The following SND1 variants were observed in gnomAD, a reference collection of about 807,000 sequenced individuals.
The protein encoded by SND1 is staphylococcal nuclease and tudor domain containing 1.
Under a neutral mutation model 121.7 loss-of-function variants are expected in SND1, and 38 were observed. The ratio of observed to expected loss-of-function variants is 0.31; its 90% CI spans 0.24 to 0.41. SND1 has a LOEUF of 0.41. SND1 is among the 10% of genes least tolerant of loss of function. The pLI, the probability that SND1 is intolerant of heterozygous loss-of-function variation, is 1.00. For missense variants in SND1, 868 were observed against 1,184.6 expected (o/e 0.73, Z 3.92); for synonymous variants, 401 against 447.4 (o/e 0.90, Z 1.31).
intron 10 of SND1, among the ~76,000 whole-genome samples, chr7:127,738,516 T>C (rs1212570430): frequency 6.6e-6 from 1 of 152,074 alleles, no homozygotes; most frequent in Non-Finnish European, 1.5e-5. Context: ...TGACCTCAGG[T>C]GATCCACCGG....
chr7:127,698,057 T>C (rs1399347790), intron 3 of SND1, among the ~76,000 whole-genome samples: 4 of 152,240 alleles, frequency 2.6e-5, no homozygotes. Flanking sequence ...ACAATTAATA[T>C]TTCAAGTGCC....
intron 16 of SND1, among the ~76,000 whole-genome samples, chr7:128,063,656 C>T (rs1793267264): frequency 6.6e-6 from 1 of 152,194 alleles, no homozygotes; most frequent in Non-Finnish European, 1.5e-5. Context: ...TAATAAATGC[C>T]CATTGTAATA....
At chr7:127,662,693 A>G (rs1394915461) in intron 1 of SND1, among the ~76,000 whole-genome samples, 4 of 152,122 alleles carry the variant, frequency 2.6e-5, no homozygotes, top group African/African-American at 4.8e-5. Context: ...TATTTCCCCA[A>G]TAAGACTATT....
At position 127,844,434 on chromosome 7, in the gene SND1, C is replaced by T. The variant is rs1191619541; in HGVS notation, c.1343+10C>T. ...TCACCATTGGAGGAATGTGAGTGTTCTGGCTGGCATGGACTCAGCTGTCAT... is the reference window on the plus strand; with the variant it reads ...TCACCATTGGAGGAATGTGAGTGTTTTGGCTGGCATGGACTCAGCTGTCAT... On this transcript the variant is annotated intron_variant, in intron 12 of 23. Transcript: ENST00000354725. 6.2e-7 allele frequency: 1 copy of T among 1,606,266 alleles called. No homozygotes were observed. Among genetic ancestry groups the T allele is most frequent in the Admixed American group, 1.7e-5 (1 of 59,630 alleles).
chr7:127,889,540 A>G (rs1416697376), intron 13 of SND1, among the ~76,000 whole-genome samples: 1 of 151,982 alleles, frequency 6.6e-6, no homozygotes, highest in Non-Finnish European at 1.5e-5. Flanking sequence ...TCTTTTAGTT[A>G]TTTTGAAATG....
At chr7:127,831,763 A>G (rs922284250) in intron 11 of SND1, among the ~76,000 whole-genome samples, 1 of 152,102 alleles carries the variant, frequency 6.6e-6, no homozygotes, top group Admixed American at 6.6e-5. Context: ...TTAAAGGCAG[A>G]TGTTTTCTTT....
intron 12 of SND1, 104 bp from the exon 13 acceptor site, chr7:127,887,798 C>CT: frequency 1.5e-6 from 1 of 677,554 alleles, no homozygotes. Context: ...CTCTCTCCCT[C>CT]TGCCAGAATG....
chr7:127,947,293 G>A (rs188457546), intron 15 of SND1, among the ~76,000 whole-genome samples: 3 of 152,276 alleles, frequency 2.0e-5, no homozygotes, highest in East Asian at 1.9e-4. Flanking sequence ...CTCTGGAAAT[G>A]TGTACATCTC....
At chr7:127,738,777 G>T (rs773137144) in intron 10 of SND1, among the ~76,000 whole-genome samples, 23 of 152,236 alleles carry the variant, frequency 1.5e-4, no homozygotes, top group Non-Finnish European at 2.6e-4. Context: ...GAGGATGGGG[G>T]AGGTAAGAGC....
chr7:127,882,224 A>T (rs1799804906), intron 12 of SND1, among the ~76,000 whole-genome samples: 1 of 151,902 alleles, frequency 6.6e-6, no homozygotes, highest in South Asian at 2.1e-4. Context: ...ACTGCACTGT[A>T]GCCTGGGTGA....
intron 10 of SND1, among the ~76,000 whole-genome samples, chr7:127,724,006 A>G (rs1796540899): frequency 6.6e-6 from 1 of 152,222 alleles, no homozygotes; most frequent in African/African-American, 2.4e-5. Context: ...AGGACTCAAT[A>G]GGCACATGAG....
intron 15 of SND1, among the ~76,000 whole-genome samples, chr7:127,929,697 G>C (rs1399774901): frequency 6.6e-6 from 1 of 152,058 alleles, no homozygotes; most frequent in East Asian, 1.9e-4. Context: ...GTTAGTTGTG[G>C]GGAGGCCTCA....
chr7:128,002,053 A>C (rs971460083), intron 16 of SND1, among the ~76,000 whole-genome samples: 11 of 152,262 alleles, frequency 7.2e-5, no homozygotes, highest in African/African-American at 2.7e-4. Context: ...TGTTGTGAGC[A>C]GCATTCAGAT....
At chr7:127,944,474 G>A (rs1191504200) in intron 15 of SND1, among the ~76,000 whole-genome samples, 12 of 152,140 alleles carry the variant, frequency 7.9e-5, no homozygotes, top group African/African-American at 2.4e-4. Flanking sequence ...CAATGGCCCC[G>A]TTGTGGAGGA....
At chr7:127,694,631 G>T in intron 2 of SND1, 197 bp from the exon 3 acceptor site, 1 of 556,870 alleles carries the variant, frequency 1.8e-6, no homozygotes, top group Non-Finnish European at 3.1e-6. Context: ...CCAACTGCTG[G>T]ACCCTCCTTT....
chr7:127,796,497 T>C (rs1798029568), intron 10 of SND1, among the ~76,000 whole-genome samples: 1 of 152,176 alleles, frequency 6.6e-6, no homozygotes, highest in Non-Finnish European at 1.5e-5. Context: ...CAGCTTTTTT[T>C]CTCGTTCATA....
chr7:127,790,413 G>T (rs1054903871), intron 10 of SND1, among the ~76,000 whole-genome samples: 1 of 152,110 alleles, frequency 6.6e-6, no homozygotes, highest in Non-Finnish European at 1.5e-5. Context: ...GTCTTAAGCC[G>T]TTAAAGAGGA....
At chr7:127,857,486 A>G (rs987847211) in intron 12 of SND1, among the ~76,000 whole-genome samples, 5 of 143,862 alleles carry the variant, frequency 3.5e-5, no homozygotes, top group African/African-American at 1.3e-4. Flanking sequence ...TTAAAAATGT[A>G]TTTTTGTTTT....
chr7:127,993,653 T>C (rs1802570783), intron 16 of SND1, among the ~76,000 whole-genome samples: 1 of 152,250 alleles, frequency 6.6e-6, no homozygotes, highest in South Asian at 2.1e-4. Flanking sequence ...GATAACCAGG[T>C]ATTTTGAAGA....
Sources: gnomAD v4.1 joint callset for allele counts (sites outside exome capture counted in the v4.1 genomes callset) on GRCh38, gnomAD v4.1.1 for gene constraint, MANE v1.5 for transcripts, NCBI Gene and HGNC (gene_info 2026-07-23, HGNC 2026-07-21) for gene names.